RALA: variants seen among roughly 807,000 people sequenced by gnomAD.
RALA encodes ras-related protein Ral-A.
Under a neutral mutation model 24.0 loss-of-function variants are expected in RALA, and 5 were observed. The observed-to-expected ratio is 0.21, with a 90% CI of 0.11 to 0.44. The LOEUF (loss-of-function observed/expected upper bound fraction) is 0.44. Among genes scored for constraint, RALA ranks in the 20% least tolerant of loss-of-function variants. The probability of loss-of-function intolerance (pLI) is 0.99; values close to 1 mark genes in which losing one functional copy is unlikely to be tolerated. For synonymous variants in RALA, 77 were observed against 83.8 expected, an observed-to-expected ratio of 0.92 and a Z score of 0.44; for missense variants, 95 against 241.2, an observed-to-expected ratio of 0.39 and a Z score of 4.01.
chr7:39,651,285 A>G lies in RALA; in HGVS notation c.-38+27460A>G, dbSNP rs139995210. Reference sequence around the variant, plus strand: ...GACTTATGATGTTTTCAACCTAACAATGGTTTTGTTGGGATGTAACTCTAT... The same window carrying G: ...GACTTATGATGTTTTCAACCTAACAGTGGTTTTGTTGGGATGTAACTCTAT... On this transcript the variant is annotated intron_variant, in intron 1 of 4. Coordinates refer to ENST00000005257, the MANE Select transcript of RALA (RefSeq NM_005402.4). 5.9e-5 allele frequency among the ~76,000 whole-genome samples: 9 copies of G among 152,322 alleles called. No individual in the cohort carries two copies. In the South Asian group the frequency reaches 6.2e-4, roughly 11 times the overall value.
chr7:39,697,948 A>AGTGT (rs370929636), intron 4 of RALA, among the ~76,000 whole-genome samples: 29,788 of 148,704 alleles, frequency 0.2, 3,342 homozygotes, highest in Admixed American at 0.34. Flanking sequence ...GACTAGGGCA[A>AGTGT]GTGTGTGTGT....
chr7:39,687,037 C>CT (rs1412022532), intron 2 of RALA, among the ~76,000 whole-genome samples: 1 of 151,980 alleles, frequency 6.6e-6, no homozygotes, highest in Non-Finnish European at 1.5e-5. Context: ...CTAACTTTAG[C>CT]TTTTTTGTTT....
chr7:39,633,506 G>A (rs963243305), intron 1 of RALA, among the ~76,000 whole-genome samples: 2 of 152,178 alleles, frequency 1.3e-5, no homozygotes, highest in East Asian at 1.9e-4. Context: ...TCACTGTCAC[G>A]AGAACAGCAT....
chr7:39,661,135 T>C (rs566079496), intron 1 of RALA, among the ~76,000 whole-genome samples: 6 of 152,202 alleles, frequency 3.9e-5, no homozygotes, highest in East Asian at 3.9e-4. Flanking sequence ...ACCAAAAGAA[T>C]AGTATGGGGG....
At chr7:39,693,174 TCCATCAATGA>T (rs1346488391) in intron 3 of RALA, among the ~76,000 whole-genome samples, 2 of 152,116 alleles carry the variant, frequency 1.3e-5, no homozygotes, top group East Asian at 3.9e-4. Flanking sequence ...AACTCAAATG[TCCATCAATGA>T]TAGACTGAAT....
At chr7:39,664,514 T>C (rs539221709) in intron 1 of RALA, among the ~76,000 whole-genome samples, 4 of 152,264 alleles carry the variant, frequency 2.6e-5, no homozygotes, top group South Asian at 4.1e-4. Flanking sequence ...ACTACGTCTC[T>C]GAATTCAGCT....
At chr7:39,639,826 C>T (rs1220219461) in intron 1 of RALA, among the ~76,000 whole-genome samples, 2 of 152,044 alleles carry the variant, frequency 1.3e-5, no homozygotes, top group South Asian at 2.1e-4. Context: ...TGCAGGATGC[C>T]CTCATGCACA....
At chr7:39,632,333 CACTG>C (rs1389847990) in intron 1 of RALA, among the ~76,000 whole-genome samples, 2 of 152,140 alleles carry the variant, frequency 1.3e-5, no homozygotes, top group Admixed American at 6.5e-5. Flanking sequence ...TATCTAATTG[CACTG>C]ACTAATATCT....
At position 39,697,396 on chromosome 7, in the gene RALA, C is replaced by T. The variant is rs1418072017; in HGVS notation, c.498+537C>T. ...ACTCTGCCCTCCTTTCTTGTCTTCT[C>T]GCTTTGTTCAGAGTGGCCCTTCCTG... is the stretch of plus-strand genomic sequence containing the variant. On this transcript the variant is annotated intron_variant, in intron 4 of 4. Transcript: ENST00000005257. The T allele has an allele frequency of 1.1e-5, 5 of 456,706 alleles. No homozygotes were observed. In the East Asian group the frequency reaches 2.8e-4, roughly 25 times the overall value. 28.3% of individuals were successfully genotyped at this position (456,706 alleles called of 1,614,324 possible).
At chr7:39,648,229 G>A (rs1791961013) in intron 1 of RALA, among the ~76,000 whole-genome samples, 1 of 152,182 alleles carries the variant, frequency 6.6e-6, no homozygotes, top group Non-Finnish European at 1.5e-5. Context: ...GAGGTTTGTA[G>A]TGGCAGAAAA....
intron 1 of RALA, among the ~76,000 whole-genome samples, chr7:39,635,487 T>C (rs907872352): frequency 7.2e-5 from 11 of 152,184 alleles, no homozygotes; most frequent in Non-Finnish European, 2.9e-5. Flanking sequence ...CCATACTCAT[T>C]AGTCATCAGT....
At chr7:39,702,660 C>T (rs917392876) in intron 4 of RALA, among the ~76,000 whole-genome samples, 1 of 152,192 alleles carries the variant, frequency 6.6e-6, no homozygotes, top group African/African-American at 2.4e-5. Context: ...TAGATATACA[C>T]TATAGAGTAC....
chr7:39,635,189 T>C (rs955128741), intron 1 of RALA, among the ~76,000 whole-genome samples: 27 of 151,922 alleles, frequency 1.8e-4, no homozygotes, highest in Non-Finnish European at 3.7e-4. Context: ...AGAAAAAAAT[T>C]AGCCAAGCAT....
chr7:39,668,369 G>A (rs114381744), intron 1 of RALA, among the ~76,000 whole-genome samples: 284 of 152,272 alleles, frequency 1.9e-3, no homozygotes, highest in African/African-American at 6.5e-3. Flanking sequence ...GTAGAAATAG[G>A]TGGTCATCCA....
chr7:39,627,124 G>A (rs1479035283), intron 1 of RALA, among the ~76,000 whole-genome samples: 1 of 150,370 alleles, frequency 6.7e-6, no homozygotes, highest in Non-Finnish European at 1.5e-5. Flanking sequence ...ACAGCTGATT[G>A]TCTGGCCCCC....
At chr7:39,702,817 T>G (rs1793052667) in intron 4 of RALA, among the ~76,000 whole-genome samples, 1 of 152,142 alleles carries the variant, frequency 6.6e-6, no homozygotes, top group Admixed American at 6.5e-5. Context: ...GTTGATCTCA[T>G]AGAAGTAAAA....
intron 4 of RALA, among the ~76,000 whole-genome samples, chr7:39,699,118 G>GTTTTTTTTTT (rs1209729467): frequency 1.2e-5 from 1 of 84,140 alleles, no homozygotes; most frequent in African/African-American, 4.7e-5. Flanking sequence ...TGCTAAAAAT[G>GTTTTTTTTTT]TTATTTTTTT....
At chr7:39,665,400 A>G (rs927978487) in intron 1 of RALA, among the ~76,000 whole-genome samples, 2 of 152,194 alleles carry the variant, frequency 1.3e-5, no homozygotes, top group East Asian at 1.9e-4. Flanking sequence ...TTAATCAACT[A>G]TTATGTTATT....
chr7:39,676,706 T>C (rs1792492557), intron 1 of RALA, among the ~76,000 whole-genome samples: 2 of 152,224 alleles, frequency 1.3e-5, no homozygotes, highest in South Asian at 4.1e-4. Flanking sequence ...GTTTTTGTTT[T>C]GGCAGGCATG....
Sources: gnomAD v4.1 joint callset for allele counts (sites outside exome capture counted in the v4.1 genomes callset) on GRCh38, gnomAD v4.1.1 for gene constraint, MANE v1.5 for transcripts, NCBI Gene and HGNC (gene_info 2026-07-23, HGNC 2026-07-21) for gene names.